PARD3B: variants seen among roughly 807,000 people sequenced by gnomAD.
PARD3B encodes partitioning defective 3 homolog B.
A neutral mutation model predicts 130.2 loss-of-function variants in PARD3B; 103 were observed. The ratio of observed to expected loss-of-function variants is 0.79; its 90% confidence interval spans 0.67 to 0.93. PARD3B has a LOEUF of 0.93. Ranked by LOEUF, PARD3B falls within the 40% of genes least tolerant of loss-of-function variation. The pLI is 0.00. For synonymous variants in PARD3B, 583 were observed against 553.2 expected, an observed-to-expected ratio of 1.05 and a Z score of -0.76; for missense variants, 1,609 against 1,499.2, an observed-to-expected ratio of 1.07 and a Z score of -1.21.
chr2:205,378,005 A>T (rs1050397976), intron 18 of PARD3B, among the ~76,000 whole-genome samples: 18 of 152,056 alleles, frequency 1.2e-4, no homozygotes, highest in South Asian at 4.1e-4. Context: ...TCCTGACCTC[A>T]GGTGATCCAT....
At chr2:205,506,092 T>C (rs1453336228) in intron 21 of PARD3B, among the ~76,000 whole-genome samples, 1 of 152,134 alleles carries the variant, frequency 6.6e-6, no homozygotes, top group Non-Finnish European at 1.5e-5. Context: ...CCCAGCACTT[T>C]GGGAGGCTGA....
intron 1 of PARD3B, among the ~76,000 whole-genome samples, chr2:204,575,175 T>G (rs939595442): frequency 2.0e-5 from 3 of 152,220 alleles, no homozygotes; most frequent in African/African-American, 7.2e-5. Context: ...TTCATTACAA[T>G]CTGTATATTG....
intron 1 of PARD3B, among the ~76,000 whole-genome samples, chr2:204,601,505 G>T (rs2033512023): frequency 1.3e-5 from 2 of 151,978 alleles, no homozygotes; most frequent in East Asian, 3.8e-4. Context: ...TATGGTATGT[G>T]ATATGAATTT....
chr2:205,316,325 G>A (rs1363074155), intron 18 of PARD3B, among the ~76,000 whole-genome samples: 1 of 151,984 alleles, frequency 6.6e-6, no homozygotes, highest in Non-Finnish European at 1.5e-5. Flanking sequence ...GAGAAAATGG[G>A]CCAAAATCAC....
intron 15 of PARD3B, among the ~76,000 whole-genome samples, chr2:205,198,072 T>C (rs1271672520): frequency 1.3e-5 from 2 of 152,232 alleles, no homozygotes; most frequent in Non-Finnish European, 2.9e-5. Flanking sequence ...ATTCAAAAGA[T>C]AGCACTTCAG....
At position 205,301,932 on chromosome 2, in the gene PARD3B, A is replaced by G; in HGVS notation, c.2630+231A>G. ...AGTTTGTTGTCAAAGAAAGGTCAACACTATGCCAGGCACGGTGGCTCATGC... is the reference window on the plus strand; with the variant it reads ...AGTTTGTTGTCAAAGAAAGGTCAACGCTATGCCAGGCACGGTGGCTCATGC... On this transcript the variant is annotated intron_variant, in intron 18 of 22. Transcript: ENST00000406610. This position sits in a 1 kb window ranked among gnomAD's most constrained non-coding sequence, Gnocchi z 5.2. 1.4e-6 allele frequency: 1 copy of G among 729,984 alleles called. No homozygotes were observed. The allele number at this position is 729,984 out of a possible 1,614,324, so 45.2% of individuals were successfully genotyped here. A position where few individuals can be genotyped will look rare whatever the true frequency, so the allele number is the denominator to read the frequency against.
chr2:205,316,821 T>C (rs1181726596), intron 18 of PARD3B, among the ~76,000 whole-genome samples: 1 of 152,176 alleles, frequency 6.6e-6, no homozygotes, highest in Non-Finnish European at 1.5e-5. Context: ...TTTTCTGAAA[T>C]AAGTTATTCA....
intron 7 of PARD3B, among the ~76,000 whole-genome samples, chr2:205,120,583 C>T (rs1159740827): frequency 1.3e-5 from 2 of 152,156 alleles, no homozygotes; most frequent in Non-Finnish European, 2.9e-5. Flanking sequence ...AACAAGCAAA[C>T]GTGGAAGAGG....
At chr2:205,262,280 T>C (rs1291017317) in intron 16 of PARD3B, among the ~76,000 whole-genome samples, 3 of 152,174 alleles carry the variant, frequency 2.0e-5, no homozygotes, top group African/African-American at 7.2e-5. Flanking sequence ...GGATACTACC[T>C]TGGTCAACTT....
rs752383769 is a variant in PARD3B, at chr2:205,564,444, T to C, written c.3260+11041T>C. ...CCAAAATATTTTAAATGGTGCTTTTTTGCTTAAAGACTGCCTCTGTGTTAT... is the reference window on the plus strand; with the variant it reads ...CCAAAATATTTTAAATGGTGCTTTTCTGCTTAAAGACTGCCTCTGTGTTAT... On this transcript the variant is annotated intron_variant, in intron 22 of 22. Coordinates refer to ENST00000406610, the MANE Select transcript of PARD3B (RefSeq NM_001302769.2). The surrounding 1 kb of genome is among the most constrained non-coding windows in gnomAD (Gnocchi z 4.6). 2.3e-4 allele frequency among the ~76,000 whole-genome samples: 35 copies of C among 152,242 alleles called. No homozygotes were observed. The highest frequency in any genetic ancestry group is 1.2e-4 in the Non-Finnish European group (8 of 68,040).
chr2:204,971,434 T>C (rs1691693828), intron 3 of PARD3B, among the ~76,000 whole-genome samples: 1 of 152,212 alleles, frequency 6.6e-6, no homozygotes, highest in African/African-American at 2.4e-5. Context: ...GGAAGCTCTT[T>C]GCTGTAGGCT....
intron 18 of PARD3B, among the ~76,000 whole-genome samples, chr2:205,313,403 A>C (rs1219804968): frequency 6.6e-6 from 1 of 152,166 alleles, no homozygotes; most frequent in Non-Finnish European, 1.5e-5. Context: ...ATGGAGGGGC[A>C]AGGGCATGGA....
intron 3 of PARD3B, among the ~76,000 whole-genome samples, chr2:205,006,766 T>C (rs1575541729): frequency 6.6e-6 from 1 of 152,228 alleles, no homozygotes; most frequent in East Asian, 1.9e-4. Flanking sequence ...ATGGGTTGTC[T>C]GTTTACTCTG....
chr2:205,230,963 C>T lies in PARD3B; in HGVS notation c.2141-14815C>T, dbSNP rs1185003684. 6.6e-6 allele frequency among the ~76,000 whole-genome samples: 1 copy of T among 152,074 alleles called. No homozygotes were observed. Among genetic ancestry groups the T allele is most frequent in the Admixed American group, 6.5e-5 (1 of 15,276 alleles). On this transcript the variant is annotated intron_variant, in intron 15 of 22. Coordinates refer to ENST00000406610, the MANE Select transcript of PARD3B (RefSeq NM_001302769.2). This position sits in a 1 kb window ranked among gnomAD's most constrained non-coding sequence, Gnocchi z 4.1. ...TCTCCAATCACTATGCTCTCCCTCC[C>T]CAAGGTGCACAGATTCTGTCTGTAC...
chr2:204,836,829 T>TG (rs2125579258), intron 2 of PARD3B, among the ~76,000 whole-genome samples: 2 of 152,288 alleles, frequency 1.3e-5, no homozygotes, highest in South Asian at 4.1e-4. Context: ...GAGGTAGGAT[T>TG]GTGGGTGAGT....
chr2:204,949,163 A>G (rs892300683), intron 2 of PARD3B, among the ~76,000 whole-genome samples: 3 of 152,156 alleles, frequency 2.0e-5, no homozygotes, highest in Admixed American at 2.0e-4. Context: ...TGGAAATGGG[A>G]CTTATTTCTC....
intron 2 of PARD3B, among the ~76,000 whole-genome samples, chr2:204,738,492 A>G (rs1157276395): frequency 1.3e-5 from 2 of 152,146 alleles, no homozygotes. Context: ...TTTGCGTAAT[A>G]AATTACCACA....
chr2:204,996,856 G>A lies in PARD3B; in HGVS notation c.394+31533G>A, dbSNP rs570234216. ...GTGACCCGATTTTCCAGGTGCGTCC[G>A]TCACCCCTTTCTTTGACTCGAAAAG... On this transcript the variant is annotated intron_variant, in intron 3 of 22. Transcript: ENST00000406610. Among the ~76,000 whole-genome samples, 254 of 147,354 alleles carry A rather than the reference G, an allele frequency of 1.7e-3. 1 individual carries two copies. The highest frequency in any genetic ancestry group is 5.7e-3 in the African/African-American group (227 of 39,972).
chr2:204,725,919 T>C (rs554738473), intron 2 of PARD3B, among the ~76,000 whole-genome samples: 1 of 152,338 alleles, frequency 6.6e-6, no homozygotes, highest in African/African-American at 2.4e-5. Context: ...CAGACCATGT[T>C]GGCACAGCAG....
Sources: gnomAD v4.1 joint callset for allele counts (sites outside exome capture counted in the v4.1 genomes callset) on GRCh38, gnomAD v4.1.1 for gene constraint, Gnocchi (gnomAD v3.1) non-coding constraint, MANE v1.5 for transcripts, NCBI Gene and HGNC (gene_info 2026-07-23, HGNC 2026-07-21) for gene names.